The following MSI2 variants were observed in gnomAD, a reference collection of about 807,000 sequenced individuals.
MSI2 encodes musashi RNA binding protein 2, also known as RNA-binding protein Musashi homolog 2.
Under a neutral mutation model 45.6 loss-of-function variants are expected in MSI2, and 17 were observed. That is an observed-to-expected ratio of 0.37 (90% CI 0.26 to 0.56). The LOEUF (loss-of-function observed/expected upper bound fraction) is 0.56. Among genes scored for constraint, MSI2 ranks in the 20% least tolerant of loss-of-function variants. MSI2 has a pLI of 0.77. For synonymous variants in MSI2, 156 were observed against 158.2 expected (o/e 0.99, Z 0.11); for missense variants, 293 against 444.2 (o/e 0.66, Z 3.06).
chr17:57,544,810 A>C (rs1460988811), intron 7 of MSI2, among the ~76,000 whole-genome samples: 1 of 152,188 alleles, frequency 6.6e-6, no homozygotes, highest in African/African-American at 2.4e-5. Flanking sequence ...TGATGTTTCT[A>C]TTTAATTTGG....
chr17:57,464,815 G>C (rs140927638), intron 6 of MSI2, among the ~76,000 whole-genome samples: 1 of 152,208 alleles, frequency 6.6e-6, no homozygotes, highest in Admixed American at 6.5e-5. Flanking sequence ...GCCAGAAGAC[G>C]TCTGACCTTA....
At chr17:57,623,547 C>T (rs1473054807) in intron 9 of MSI2, among the ~76,000 whole-genome samples, 1 of 152,160 alleles carries the variant, frequency 6.6e-6, no homozygotes, top group Non-Finnish European at 1.5e-5. Context: ...AATGGAAAGC[C>T]GATCTGCAAG....
intron 5 of MSI2, among the ~76,000 whole-genome samples, chr17:57,401,068 A>G (rs1365468995): frequency 6.6e-6 from 1 of 152,204 alleles, no homozygotes; most frequent in Non-Finnish European, 1.5e-5. Context: ...TAGCTTTAAA[A>G]TAGCTTGACA....
chr17:57,328,816 G>A (rs1273836929), intron 5 of MSI2, among the ~76,000 whole-genome samples: 1 of 151,870 alleles, frequency 6.6e-6, no homozygotes, highest in African/African-American at 2.4e-5. Flanking sequence ...TAAAGTTTGT[G>A]TGTTTGGTTT....
At chr17:57,412,680 T>C (rs747246416) in intron 6 of MSI2, among the ~76,000 whole-genome samples, 1 of 152,184 alleles carries the variant, frequency 6.6e-6, no homozygotes, top group Non-Finnish European at 1.5e-5. Flanking sequence ...AAAGACAATA[T>C]GAAAATGAAT....
intron 5 of MSI2, among the ~76,000 whole-genome samples, chr17:57,297,868 C>G (rs779999195): frequency 5.9e-5 from 9 of 152,320 alleles, no homozygotes; most frequent in Non-Finnish European, 1.3e-4. Flanking sequence ...AACTCCTCAT[C>G]ATTCAAGTTT....
intron 6 of MSI2, among the ~76,000 whole-genome samples, chr17:57,418,145 T>G (rs2084330122): frequency 6.6e-6 from 1 of 152,206 alleles, no homozygotes; most frequent in Non-Finnish European, 1.5e-5. Context: ...AATATGTAAA[T>G]GAATGAGTGT....
At chr17:57,677,657 G>A (rs923802684) in intron 13 of MSI2, among the ~76,000 whole-genome samples, 2 of 152,242 alleles carry the variant, frequency 1.3e-5, no homozygotes, top group Non-Finnish European at 2.9e-5. Context: ...ATTACTGCAC[G>A]AAAAGCAAAT....
chr17:57,387,695 T>G (rs1217038107), intron 5 of MSI2, among the ~76,000 whole-genome samples: 1 of 152,186 alleles, frequency 6.6e-6, no homozygotes, highest in Non-Finnish European at 1.5e-5. Flanking sequence ...AATTAGTATT[T>G]AATTTATAGA....
At chr17:57,613,584 G>T (rs1177850925) in intron 8 of MSI2, among the ~76,000 whole-genome samples, 3 of 152,112 alleles carry the variant, frequency 2.0e-5, no homozygotes, top group Non-Finnish European at 4.4e-5. Flanking sequence ...GTAGTGTCTG[G>T]TTGCCCTCCA....
In MSI2 at chr17:57,597,466, T is replaced by TAAAAAAAAAA. The variant is rs35606406; in HGVS notation, c.537+531_537+540dup. Among the ~76,000 whole-genome samples, 48 of 87,098 alleles carry TAAAAAAAAAA rather than the reference T, an allele frequency of 5.5e-4. 2 individuals are homozygous for TAAAAAAAAAA. The highest frequency in any genetic ancestry group is 6.1e-3 in the Middle Eastern group (1 of 164). The allele number at this position is 87,098 out of a possible 152,430, so 57.1% of individuals were successfully genotyped here. A position where few individuals can be genotyped will look rare whatever the true frequency, so the allele number is the denominator to read the frequency against. ...GGAAACATAGCCAGACCTCATCTCT[T>TAAAAAAAAAA]AAAAAAAAAAAAAAAAAAAAAAAAT... On this transcript the variant is annotated intron_variant, in intron 8 of 13. Coordinates refer to ENST00000284073, the MANE Select transcript of MSI2 (RefSeq NM_138962.4).
chr17:57,371,289 T>A (rs1409210908), intron 5 of MSI2, among the ~76,000 whole-genome samples: 1 of 152,222 alleles, frequency 6.6e-6, no homozygotes, highest in East Asian at 1.9e-4. Flanking sequence ...AAAATGTTTT[T>A]AACTCCAACT....
chr17:57,389,557 T>C (rs955456213), intron 5 of MSI2, among the ~76,000 whole-genome samples: 1 of 152,170 alleles, frequency 6.6e-6, no homozygotes, highest in Non-Finnish European at 1.5e-5. Flanking sequence ...AGGCTCTTAC[T>C]TGAATGTAAG....
At chr17:57,408,591 G>A (rs1210918201) in intron 6 of MSI2, among the ~76,000 whole-genome samples, 1 of 148,544 alleles carries the variant, frequency 6.7e-6, no homozygotes, top group Non-Finnish European at 1.5e-5. Context: ...CCCTGGGTGG[G>A]TAGGGGCGGG....
At chr17:57,554,853 A>G (rs1370884172) in intron 7 of MSI2, among the ~76,000 whole-genome samples, 1 of 152,192 alleles carries the variant, frequency 6.6e-6, no homozygotes, top group African/African-American at 2.4e-5. Flanking sequence ...ATCTTTACAG[A>G]CTCACAACCA....
chr17:57,658,682 T>C (rs919278222), intron 11 of MSI2, among the ~76,000 whole-genome samples: 1 of 152,244 alleles, frequency 6.6e-6, no homozygotes, highest in African/African-American at 2.4e-5. Flanking sequence ...AAGTTAATCC[T>C]AAAGTGAATG....
intron 6 of MSI2, chr17:57,449,359 C>T (rs1053845783): frequency 1.3e-5 from 2 of 152,170 alleles, no homozygotes; most frequent in African/African-American, 4.8e-5. Flanking sequence ...ATTTTTTTCA[C>T]ACGTGTGGAG....
At chr17:57,419,435 T>G (rs1250701934) in intron 6 of MSI2, among the ~76,000 whole-genome samples, 1 of 151,832 alleles carries the variant, frequency 6.6e-6, no homozygotes, top group Non-Finnish European at 1.5e-5. Flanking sequence ...CAGTCTCAGC[T>G]CACTGCAACC....
chr17:57,359,136 A>G (rs556766897), intron 5 of MSI2, among the ~76,000 whole-genome samples: 1 of 151,800 alleles, frequency 6.6e-6, no homozygotes, highest in South Asian at 2.1e-4. Context: ...CATCTTATGC[A>G]CTCTCTCCGA....
Sources: allele counts gnomAD v4.1 joint callset (sites outside exome capture counted in the v4.1 genomes callset), GRCh38; gene constraint gnomAD v4.1.1; transcripts MANE v1.5; gene names NCBI Gene and HGNC (gene_info 2026-07-23, HGNC 2026-07-21).